Variants in MECOM observed in about 807,000 individuals in gnomAD.
MECOM encodes histone-lysine N-methyltransferase MECOM.
Under a neutral mutation model 116.3 loss-of-function variants are expected in MECOM, and 13 were observed. The observed-to-expected ratio is 0.11, with a 90% CI of 0.07 to 0.18. The LOEUF (loss-of-function observed/expected upper bound fraction) is 0.18. MECOM is among the 10% of genes least tolerant of loss of function. The probability of loss-of-function intolerance (pLI) is 1.00; values close to 1 mark genes in which losing one functional copy is unlikely to be tolerated. For synonymous variants in MECOM, 528 were observed against 535.2 expected (o/e 0.99, Z 0.19); for missense variants, 1,299 against 1,509.0 (o/e 0.86, Z 2.31).
At chr3:169,369,710 C>A (rs367906452) in intron 2 of MECOM, among the ~76,000 whole-genome samples, 13 of 151,856 alleles carry the variant, frequency 8.6e-5, no homozygotes, top group Non-Finnish European at 1.9e-4. Context: ...GCACTAATGA[C>A]GTTCAAACTC....
intron 2 of MECOM, among the ~76,000 whole-genome samples, chr3:169,155,483 T>C (rs914242658): frequency 3.3e-5 from 5 of 152,158 alleles, no homozygotes; most frequent in African/African-American, 1.2e-4. Context: ...AAGGCTATTG[T>C]CCTTTTAGGC....
intron 2 of MECOM, among the ~76,000 whole-genome samples, chr3:169,229,941 C>T (rs532707346): frequency 1.3e-5 from 2 of 152,136 alleles, no homozygotes; most frequent in Admixed American, 6.6e-5. Flanking sequence ...AAAGAAAATT[C>T]CAAATAAAGG....
chr3:169,633,415 T>G (rs973632127), intron 1 of MECOM, among the ~76,000 whole-genome samples: 2 of 152,208 alleles, frequency 1.3e-5, no homozygotes, highest in African/African-American at 4.8e-5. Context: ...GATAGATGTG[T>G]GCGTGTGTGT....
chr3:169,395,142 G>T (rs903965979), intron 1 of MECOM, among the ~76,000 whole-genome samples: 1 of 152,060 alleles, frequency 6.6e-6, no homozygotes, highest in Non-Finnish European at 1.5e-5. Flanking sequence ...ATTCAAGAGA[G>T]CCCAAGTATG....
chr3:169,404,300 C>A (rs1055420036), intron 1 of MECOM, among the ~76,000 whole-genome samples: 1 of 152,178 alleles, frequency 6.6e-6, no homozygotes, highest in Middle Eastern at 3.4e-3. Flanking sequence ...CACACACACA[C>A]ACCACCACAC....
intron 2 of MECOM, among the ~76,000 whole-genome samples, chr3:169,378,187 G>C (rs966810141): frequency 6.6e-6 from 1 of 151,582 alleles, no homozygotes; most frequent in African/African-American, 2.4e-5. Flanking sequence ...TGGGGGGCTA[G>C]GGGAGGGATA....
chr3:169,399,818 C>G (rs991596119), intron 1 of MECOM, among the ~76,000 whole-genome samples: 7 of 151,926 alleles, frequency 4.6e-5, no homozygotes, highest in Admixed American at 2.6e-4. Flanking sequence ...TAAGTGACAC[C>G]TATTAAAAGA....
intron 1 of MECOM, among the ~76,000 whole-genome samples, chr3:169,496,914 T>C (rs986663993): frequency 6.6e-6 from 1 of 152,218 alleles, no homozygotes; most frequent in Non-Finnish European, 1.5e-5. Context: ...CCCCATAAAA[T>C]AGATTATATT....
chr3:169,245,617 G>C (rs1755484580), intron 2 of MECOM, among the ~76,000 whole-genome samples: 1 of 152,150 alleles, frequency 6.6e-6, no homozygotes, highest in Non-Finnish European at 1.5e-5. Flanking sequence ...TTAGACCCTA[G>C]TGGAGAACAA....
At chr3:169,088,309 C>T (rs1215733463) in intron 16 of MECOM, among the ~76,000 whole-genome samples, 1 of 152,110 alleles carries the variant, frequency 6.6e-6, no homozygotes, top group Non-Finnish European at 1.5e-5. Flanking sequence ...GTAACAAAAA[C>T]ACTGAGGCTC....
intron 1 of MECOM, among the ~76,000 whole-genome samples, chr3:169,473,626 G>A (rs374770368): frequency 8.6e-5 from 13 of 151,934 alleles, no homozygotes; most frequent in African/African-American, 1.7e-4. Context: ...AAAATTAGCC[G>A]GGTGTGGTGG....
intron 14 of MECOM, among the ~76,000 whole-genome samples, chr3:169,092,187 T>A (rs976704124): frequency 1.3e-5 from 2 of 152,058 alleles, no homozygotes; most frequent in African/African-American, 4.8e-5. Context: ...CTATTCATGC[T>A]TAATGTTGGT....
At chr3:169,149,933 CTCTG>C (rs202115723) in intron 2 of MECOM, among the ~76,000 whole-genome samples, 4,206 of 115,810 alleles carry the variant, frequency 0.036, 71 homozygotes, top group Non-Finnish European at 0.051. Context: ...CTTTCTCTCT[CTCTG>C]TGTGTGTGTG....
At chr3:169,276,211 A>T (rs1375304412) in intron 2 of MECOM, among the ~76,000 whole-genome samples, 6 of 152,202 alleles carry the variant, frequency 3.9e-5, no homozygotes, top group African/African-American at 1.4e-4. Context: ...ATTTATTTTT[A>T]AAAATAATCT....
At chr3:169,204,855 C>T (rs1420445555) in intron 2 of MECOM, among the ~76,000 whole-genome samples, 7 of 152,112 alleles carry the variant, frequency 4.6e-5, no homozygotes, top group South Asian at 2.1e-4. Context: ...TATTAAGCTA[C>T]CAAATGAGGA....
chr3:169,628,191 T>C (rs1771620044), intron 1 of MECOM, among the ~76,000 whole-genome samples: 1 of 152,252 alleles, frequency 6.6e-6, no homozygotes, highest in Non-Finnish European at 1.5e-5. Context: ...CTCCAACTGC[T>C]GGTTTTACAC....
intron 2 of MECOM, among the ~76,000 whole-genome samples, chr3:169,366,117 C>T (rs1437141817): frequency 6.6e-6 from 1 of 151,988 alleles, no homozygotes; most frequent in African/African-American, 2.4e-5. Context: ...CCCCACCCTT[C>T]ATTAAGGCTA....
intron 1 of MECOM, among the ~76,000 whole-genome samples, chr3:169,476,665 T>C (rs572873532): frequency 8.1e-4 from 123 of 152,182 alleles, no homozygotes; most frequent in Non-Finnish European, 1.5e-3. Flanking sequence ...TCTCTGCAAG[T>C]AATCTTTTTT....
At chr3:169,431,354 C>T (rs1222557661) in intron 1 of MECOM, among the ~76,000 whole-genome samples, 7 of 152,122 alleles carry the variant, frequency 4.6e-5, no homozygotes, top group South Asian at 2.1e-4. Context: ...TAAGAGGCTG[C>T]GATACCTTGC....
Sources: allele counts gnomAD v4.1 joint callset (sites outside exome capture counted in the v4.1 genomes callset), GRCh38; gene constraint gnomAD v4.1.1; transcripts MANE v1.5; gene names NCBI Gene and HGNC (gene_info 2026-07-23, HGNC 2026-07-21).